USP54: variants seen among roughly 807,000 people sequenced by gnomAD.
USP54 encodes ubiquitin specific peptidase 54, also known as ubiquitin carboxyl-terminal hydrolase 54.
Under a neutral mutation model 170.5 loss-of-function variants are expected in USP54, and 87 were observed. The observed-to-expected ratio is 0.51, with a 90% CI of 0.43 to 0.61. The LOEUF (loss-of-function observed/expected upper bound fraction) is 0.61, where lower values mean the gene tolerates loss of function less well. Ranked by LOEUF, USP54 falls within the 20% of genes least tolerant of loss-of-function variation. The pLI, the probability that USP54 is intolerant of heterozygous loss-of-function variation, is 0.00. For synonymous variants in USP54, 655 were observed against 742.8 expected, an observed-to-expected ratio of 0.88 and a Z score of 1.92; for missense variants, 1,786 against 2,047.8, an observed-to-expected ratio of 0.87 and a Z score of 2.47.
rs763445702 is a variant in USP54, at chr10:73,523,579, T to G, written c.2362+4A>C. 2.1e-5 allele frequency: 33 copies of G among 1,593,968 alleles called. No individual in the cohort carries two copies. In the East Asian group the frequency reaches 7.4e-4, roughly 36 times the overall value. On this transcript the variant is annotated splice_donor_region_variant and intron_variant, in intron 17 of 23. Coordinates refer to ENST00000687698, the MANE Select transcript of USP54 (RefSeq NM_001391956.1). ...ACCCACAACCTAATGCTCACAACAA[T>G]TACCCTGATTCTGCAGTTCATCCAA...
intron 1 of USP54, among the ~76,000 whole-genome samples, chr10:73,578,582 T>A (rs1475676917): frequency 6.6e-6 from 1 of 152,136 alleles, no homozygotes; most frequent in Admixed American, 6.5e-5. Flanking sequence ...TGGCTAATTT[T>A]TGTATTTTTA....
intron 12 of USP54, 84 bp downstream of exon 12, chr10:73,534,516 C>G: frequency 2.0e-6 from 3 of 1,499,748 alleles, no homozygotes; most frequent in Non-Finnish European, 1.8e-6. Context: ...TGAGCCACTG[C>G]GCCTGGCCTC....
chr10:73,521,093 T>C, intron 17 of USP54, 66 bp from the exon 18 acceptor site: 1 of 1,598,498 alleles, frequency 6.3e-7, no homozygotes, highest in Non-Finnish European at 8.5e-7. Context: ...TACTGTTGTT[T>C]CCCTTCAGTA....
intron 3 of USP54, among the ~76,000 whole-genome samples, chr10:73,572,374 A>T (rs2075354117): frequency 6.6e-6 from 1 of 152,196 alleles, no homozygotes; most frequent in Non-Finnish European, 1.5e-5. Context: ...ATCTGAATAA[A>T]TTGCAATTTT....
intron 4 of USP54, 105 bp from the exon 5 acceptor site, chr10:73,545,777 C>T: frequency 7.4e-7 from 1 of 1,344,510 alleles, no homozygotes; most frequent in East Asian, 2.4e-5. Flanking sequence ...GCTATGAAAC[C>T]AAATGTGCTT....
intron 10 of USP54, 118 bp downstream of exon 10, chr10:73,539,326 T>A: frequency 1.9e-6 from 1 of 538,846 alleles, no homozygotes. Flanking sequence ...ATATATATGT[T>A]TTATAGAAAT....
chr10:73,612,831 C>A (rs984566469), intron 1 of USP54, among the ~76,000 whole-genome samples: 48 of 109,760 alleles, frequency 4.4e-4, no homozygotes, highest in African/African-American at 1.7e-3. Flanking sequence ...CAGAGTGAGA[C>A]ATTGTCTCAA....
At chr10:73,593,297 A>T (rs1414838537), upstream of USP54, among the ~76,000 whole-genome samples, 2 of 150,128 alleles carry the variant, frequency 1.3e-5, no homozygotes, top group African/African-American at 4.9e-5. Context: ...GGATCCCTTG[A>T]GCCCAGGAGG....
chr10:73,517,154 T>C lies in USP54; in HGVS notation c.3272A>G (p.Gln1091Arg), dbSNP rs1361011350. Residue 1091 changes from glutamine (Q) to arginine (R), a missense_variant, in exon 20 of 24, where the codon CAG becomes CGG. Physicochemically the swap from Gln to Arg is conservative, Grantham distance 43 (BLOSUM62 1). This residue lies in a region of USP54 where 1,418 missense variants were observed against 1,569.0 expected (regional missense o/e 0.90). Transcript: ENST00000687698. ...GCCTTGGAGGCATTGGTTAGTTTTC[T>C]GCACAGGATCAGGACAGTGAAGCAC... ...SFVLHCPDPV[Q>R]KTNQCLQGQS... 6.2e-7 allele frequency: 1 copy of C among 1,614,232 alleles called. No homozygotes were observed. The highest frequency in any genetic ancestry group is 1.1e-5 in the South Asian group (1 of 91,084).
chr10:73,575,403 C>G (rs79748562), intron 3 of USP54, 109 bp downstream of exon 3: 34,605 of 1,250,980 alleles, frequency 0.028, 1,612 homozygotes, highest in East Asian at 0.24. Flanking sequence ...TCTCAGGTTA[C>G]TAACCTCAAA....
At chr10:73,564,689 G>T (rs1221543700) in intron 4 of USP54, among the ~76,000 whole-genome samples, 1 of 152,092 alleles carries the variant, frequency 6.6e-6, no homozygotes. Context: ...TCAATGAGCT[G>T]TGAGCAAAAG....
chr10:73,569,024 A>T (rs1048323579), intron 4 of USP54, among the ~76,000 whole-genome samples: 1 of 152,232 alleles, frequency 6.6e-6, no homozygotes, highest in Non-Finnish European at 1.5e-5. Context: ...AATGAAGAGT[A>T]TAGCACAGTC....
In USP54 at chr10:73,590,725, T is replaced by C. The variant is rs148158662; in HGVS notation, c.-582+553A>G. On this transcript the variant is annotated intron_variant, in intron 1 of 23. Coordinates refer to ENST00000687698, the MANE Select transcript of USP54 (RefSeq NM_001391956.1). ...AGAAGCATCTGTTAACCTGAAGTAC[T>C]TGGCAAACCATCTCTTAGAATTGAC... Among the ~76,000 whole-genome samples, 812 of 152,306 alleles carry C rather than the reference T, an allele frequency of 5.3e-3. 6 individuals carry two copies. Among genetic ancestry groups the C allele is most frequent in the African/African-American group, 0.018 (746 of 41,562 alleles).
In USP54 at chr10:73,529,867, C is replaced by T. The variant is rs919846736; in HGVS notation, c.1873G>A (p.Asp625Asn). Reference protein sequence around the residue: ...PDEPSKPPSYDIKFGGPSPQY... With the variant: ...PDEPSKPPSYNIKFGGPSPQY... ...GGGCTTGGTCCACCAAATTTAATGT[C>T]GTAAGAAGGTGGCTTGCTTGGTTCA... Residue 625 changes from aspartate to asparagine, a missense_variant, in exon 15 of 24, where the codon GAC becomes AAC. By Grantham distance (23) the Asp-to-Asn change is conservative (BLOSUM62 1). Around this residue, in one of 3 missense-constraint regions of USP54, gnomAD observed 1,418 missense variants for 1,569.0 expected, o/e 0.90. Transcript: ENST00000687698. 9.6e-6 allele frequency: 15 copies of T among 1,558,422 alleles called. No homozygotes were observed. The highest frequency in any genetic ancestry group is 4.0e-5 in the Admixed American group (2 of 49,568).
intron 7 of USP54, chr10:73,541,948 A>G (rs2066684593): frequency 1.7e-6 from 1 of 572,092 alleles, no homozygotes; most frequent in Non-Finnish European, 3.1e-6. Context: ...TCCTCCTCCC[A>G]CTTTGCTGGC....
intron 1 of USP54, among the ~76,000 whole-genome samples, chr10:73,608,889 A>C (rs1388300758): frequency 6.6e-6 from 1 of 152,212 alleles, no homozygotes; most frequent in Non-Finnish European, 1.5e-5. Flanking sequence ...AGGGGGACAG[A>C]GTGAGACTTT....
chr10:73,534,194 C>T (rs1252356428), intron 12 of USP54, among the ~76,000 whole-genome samples: 1 of 151,922 alleles, frequency 6.6e-6, no homozygotes, highest in African/African-American at 2.4e-5. Context: ...TTCTGACTTC[C>T]CCCAGTTTCT....
chr10:73,517,635 C>G lies in USP54; in HGVS notation c.2791G>C (p.Glu931Gln), dbSNP rs201791920. 1.1e-4 allele frequency: 175 copies of G among 1,614,024 alleles called. No individual in the cohort carries two copies. The highest frequency in any genetic ancestry group is 1.5e-4 in the Non-Finnish European group (173 of 1,180,034). ...TCTGGAGATAGTGATGAGTGTGACT[C>G]ATGGCAGGAAGCAGGTGAATGGAAG... Reference protein sequence around the residue: ...SFFHSPASCHESHSSLSPESS... With the variant: ...SFFHSPASCHQSHSSLSPESS... Residue 931 changes from glutamate to glutamine, a missense_variant, in exon 20 of 24, where the codon GAG becomes CAG. By Grantham distance (29) the Glu-to-Gln change is conservative. Coordinates refer to ENST00000687698, the MANE Select transcript of USP54 (RefSeq NM_001391956.1).
At chr10:73,541,573 C>A (rs1233307710) in intron 8 of USP54, 52 bp from the exon 9 acceptor site, 1 of 1,613,366 alleles carries the variant, frequency 6.2e-7, no homozygotes, top group South Asian at 1.1e-5. Context: ...GGCTTTGCAT[C>A]AATTCCACTG....
Sources: gnomAD v4.1 joint callset for allele counts (sites outside exome capture counted in the v4.1 genomes callset) on GRCh38, gnomAD v4.1.1 for gene constraint, gnomAD v4.1.1 regional missense constraint, MANE v1.5 for transcripts, NCBI Gene and HGNC (gene_info 2026-07-23, HGNC 2026-07-21) for gene names.